Variants in JARID2 observed in about 807,000 individuals in gnomAD.
JARID2 encodes protein Jumonji.
JARID2 carries 21 observed loss-of-function variants against 125.6 expected under a neutral mutation model. The ratio of observed to expected loss-of-function variants is 0.17; its 90% CI spans 0.12 to 0.24. JARID2 has a LOEUF of 0.24. Among genes scored for constraint, JARID2 ranks in the 10% least tolerant of loss-of-function variants. JARID2 has a pLI of 1.00. For synonymous variants in JARID2, 736 were observed against 661.6 expected (o/e 1.11, Z -1.73); for missense variants, 1,303 against 1,639.6 (o/e 0.79, Z 3.55).
chr6:15,504,481 G>C lies in JARID2; in HGVS notation c.2449-19G>C, dbSNP rs1305364343. The C allele has an allele frequency of 1.3e-6, 2 of 1,586,574 alleles. No homozygotes were observed. Among genetic ancestry groups the C allele is most frequent in the Non-Finnish European group, 1.7e-6 (2 of 1,155,020 alleles). Reference sequence around the variant, plus strand: ...TCAGCTTTGCTTCTGAAGCTTTACTGTTTTTTGTTTTGTTTCAGGGAAGGT... The same window carrying C: ...TCAGCTTTGCTTCTGAAGCTTTACTCTTTTTTGTTTTGTTTCAGGGAAGGT... On this transcript the variant is annotated intron_variant, in intron 8 of 17. Transcript: ENST00000341776.
chr6:15,490,543 C>T (rs778642039), intron 6 of JARID2, among the ~76,000 whole-genome samples: 3 of 152,240 alleles, frequency 2.0e-5, no homozygotes, highest in Non-Finnish European at 2.9e-5. Context: ...TGAGAGGGCT[C>T]TGGCCCCGGC....
chr6:15,257,645 A>C lies in JARID2; in HGVS notation c.45+11061A>C, dbSNP rs147676433. Among the ~76,000 whole-genome samples, 321 of 152,314 alleles carry C rather than the reference A, an allele frequency of 2.1e-3. 1 individual carries two copies. Among genetic ancestry groups the C allele is most frequent in the African/African-American group, 7.3e-3 (302 of 41,574 alleles). ...CTTACTGTGAAATTACTGACTTAGA[A>C]GTGCCCGTATTTACGTTTTGATCTT... On this transcript the variant is annotated intron_variant, in intron 1 of 17. Transcript: ENST00000341776.
chr6:15,348,078 T>C (rs955302011), intron 1 of JARID2, among the ~76,000 whole-genome samples: 3 of 150,958 alleles, frequency 2.0e-5, no homozygotes, highest in Non-Finnish European at 4.4e-5. Context: ...CTTATAATTA[T>C]TATTATTTTT....
chr6:15,306,005 A>G (rs377518548), intron 1 of JARID2, among the ~76,000 whole-genome samples: 6 of 152,202 alleles, frequency 3.9e-5, no homozygotes, highest in Non-Finnish European at 8.8e-5. Flanking sequence ...GACAAATTTC[A>G]GTTCCATTTC....
At chr6:15,248,470 A>AGC (rs1759283964) in intron 1 of JARID2, 1 of 63,384 alleles carries the variant, frequency 1.6e-5, no homozygotes, top group Admixed American at 1.4e-4. Flanking sequence ...CGTGCCGGGG[A>AGC]GGGGGCGCGC....
intron 1 of JARID2, among the ~76,000 whole-genome samples, chr6:15,322,094 T>A (rs1391502132): frequency 1.3e-5 from 2 of 152,186 alleles, no homozygotes; most frequent in African/African-American, 4.8e-5. Context: ...CTGGAAGAAG[T>A]ATTAGATTTA....
rs1273220461 is a variant in JARID2 at position 15,415,618 on chromosome 6, G to GT, written c.323+5254dup. 6.1e-5 allele frequency among the ~76,000 whole-genome samples: 9 copies of GT among 146,658 alleles called. No individual in the cohort carries two copies. In the East Asian group the frequency reaches 1.8e-3, roughly 30 times the overall value. On this transcript the variant is annotated intron_variant, in intron 3 of 17. Transcript: ENST00000341776. ...GGCTGACCCCTCCACCTCCCTCCCG[G>GT]TCGGGGCGGCTGGCCGGGCGGGGGG... is the stretch of plus-strand genomic sequence containing the variant.
chr6:15,423,440 A>G (rs1297819365), intron 3 of JARID2, among the ~76,000 whole-genome samples: 1 of 152,214 alleles, frequency 6.6e-6, no homozygotes, highest in African/African-American at 2.4e-5. Context: ...GTAGAGTTCA[A>G]CATCACAGAA....
At chr6:15,249,299 CTG>C (rs1467051215) in intron 1 of JARID2, among the ~76,000 whole-genome samples, 1 of 152,204 alleles carries the variant, frequency 6.6e-6, no homozygotes, top group East Asian at 1.9e-4. Context: ...ACAGCAGCAA[CTG>C]TTGCTCTTTC....
At chr6:15,361,135 T>C (rs1763777252) in intron 1 of JARID2, among the ~76,000 whole-genome samples, 1 of 152,236 alleles carries the variant, frequency 6.6e-6, no homozygotes, top group Admixed American at 6.5e-5. Flanking sequence ...CCTTTGGATG[T>C]ATTCGACTCC....
At chr6:15,299,621 A>G (rs1328815833) in intron 1 of JARID2, among the ~76,000 whole-genome samples, 1 of 152,118 alleles carries the variant, frequency 6.6e-6, no homozygotes, top group Admixed American at 6.5e-5. Flanking sequence ...GGGAAATAAG[A>G]AGACTGCCAA....
At chr6:15,367,875 T>C (rs1277871322) in intron 1 of JARID2, among the ~76,000 whole-genome samples, 1 of 152,196 alleles carries the variant, frequency 6.6e-6, no homozygotes, top group African/African-American at 2.4e-5. Context: ...CCAAGTATCA[T>C]CCTCTGGGTG....
chr6:15,297,742 T>C (rs1356931906), intron 1 of JARID2, among the ~76,000 whole-genome samples: 1 of 152,136 alleles, frequency 6.6e-6, no homozygotes, highest in Non-Finnish European at 1.5e-5. Flanking sequence ...CTAGCCCCCT[T>C]TGAATCCTTT....
intron 9 of JARID2, among the ~76,000 whole-genome samples, chr6:15,504,886 T>C (rs1229129798): frequency 2.6e-5 from 4 of 152,174 alleles, no homozygotes; most frequent in Non-Finnish European, 1.5e-5. Context: ...TCCTGCTTGC[T>C]CACCCGGCTG....
intron 3 of JARID2, among the ~76,000 whole-genome samples, chr6:15,438,101 G>A (rs942399352): frequency 6.6e-6 from 1 of 152,124 alleles, no homozygotes; most frequent in Admixed American, 6.5e-5. Context: ...GTGGGGTGGT[G>A]GGATGGGGAG....
chr6:15,508,990 A>C (rs1256756182), intron 12 of JARID2: 24 of 1,289,056 alleles, frequency 1.9e-5, no homozygotes, highest in Non-Finnish European at 2.4e-5. Flanking sequence ...GTGTTTCCTC[A>C]TCTATCGGTG....
chr6:15,265,740 G>T (rs1760060031), intron 1 of JARID2, among the ~76,000 whole-genome samples: 1 of 152,152 alleles, frequency 6.6e-6, no homozygotes, highest in South Asian at 2.1e-4. Context: ...GACCTGATGA[G>T]CCCGGGCAGC....
chr6:15,373,892 G>T (rs978022881), intron 1 of JARID2, among the ~76,000 whole-genome samples: 13 of 152,198 alleles, frequency 8.5e-5, no homozygotes, highest in African/African-American at 3.1e-4. Flanking sequence ...AGATGGTTGT[G>T]TGTTGCTTTC....
intron 1 of JARID2, among the ~76,000 whole-genome samples, chr6:15,299,827 A>T (rs1454501051): frequency 6.6e-6 from 1 of 151,812 alleles, no homozygotes; most frequent in Non-Finnish European, 1.5e-5. Context: ...GCAGTGAGTC[A>T]TTTTTTTCTG....
Sources: allele counts gnomAD v4.1 joint callset (sites outside exome capture counted in the v4.1 genomes callset), GRCh38; gene constraint gnomAD v4.1.1; transcripts MANE v1.5; gene names NCBI Gene and HGNC (gene_info 2026-07-23, HGNC 2026-07-21).